The following CRACD variants were observed in gnomAD, a reference collection of about 807,000 sequenced individuals.
The protein encoded by CRACD is capping protein-inhibiting regulator of actin dynamics.
In CRACD, 56 loss-of-function variants were observed where a neutral mutation model predicts 106.8. The observed-to-expected ratio is 0.52, with a 90% CI of 0.42 to 0.66. The LOEUF (loss-of-function observed/expected upper bound fraction) is 0.66. Among genes scored for constraint, CRACD ranks in the 30% least tolerant of loss-of-function variants. The pLI is 0.00. For missense variants in CRACD, 1,730 were observed against 1,623.2 expected (o/e 1.07, Z -1.13); for synonymous variants, 754 against 670.8 (o/e 1.12, Z -1.92).
At chr4:56,179,069 A>G (rs1269208030) in intron 1 of CRACD, among the ~76,000 whole-genome samples, 4 of 152,210 alleles carry the variant, frequency 2.6e-5, no homozygotes, top group Non-Finnish European at 4.4e-5. Flanking sequence ...AAAAGGGGGA[A>G]AGTTAATAAT....
intron 1 of CRACD, among the ~76,000 whole-genome samples, chr4:56,154,775 C>T (rs750019190): frequency 1.3e-5 from 2 of 152,006 alleles, no homozygotes; most frequent in Non-Finnish European, 2.9e-5. Context: ...CAGAGATGCT[C>T]ATCATTGTCT....
chr4:56,286,265 C>T lies in CRACD; in HGVS notation c.-16-11949C>T, dbSNP rs187849235. Among the ~76,000 whole-genome samples the T allele has an allele frequency of 1.4e-4, 21 of 151,794 alleles. No individual in the cohort carries two copies. In the East Asian group the frequency reaches 1.9e-3, roughly 14 times the overall value. ...AAAATTAGACGAGTGTGGTGGCACG[C>T]GCCTGTAATCCCAGCTGCTTGGGAG... On this transcript the variant is annotated intron_variant, in intron 3 of 10. Transcript: ENST00000682029.
At chr4:56,053,278 A>C (rs1685797089) in intron 1 of CRACD, among the ~76,000 whole-genome samples, 1 of 152,230 alleles carries the variant, frequency 6.6e-6, no homozygotes, top group South Asian at 2.1e-4. Flanking sequence ...AAAGTACTTT[A>C]AGAAACCACC....
chr4:56,152,012 T>C (rs1275018044), intron 1 of CRACD, among the ~76,000 whole-genome samples: 1 of 121,078 alleles, frequency 8.3e-6, no homozygotes, highest in Non-Finnish European at 1.8e-5. Flanking sequence ...AATAGTTTTT[T>C]CTTTTTTTTT....
chr4:56,109,906 A>G (rs1236160318), intron 1 of CRACD, among the ~76,000 whole-genome samples: 1 of 152,084 alleles, frequency 6.6e-6, no homozygotes, highest in Non-Finnish European at 1.5e-5. Context: ...GACAAATGGG[A>G]GAGAGTAAGT....
chr4:56,123,391 C>T (rs1734553387), intron 1 of CRACD, among the ~76,000 whole-genome samples: 1 of 152,240 alleles, frequency 6.6e-6, no homozygotes, highest in African/African-American at 2.4e-5. Context: ...AGGCTGCCTT[C>T]TCTCTGTATC....
At chr4:56,298,514 C>A (rs893928962) in intron 4 of CRACD, among the ~76,000 whole-genome samples, 165 bp downstream of exon 4, 1 of 152,208 alleles carries the variant, frequency 6.6e-6, no homozygotes, top group African/African-American at 2.4e-5. Context: ...CTCTGGAAAC[C>A]TCCTGCCTAC....
intron 4 of CRACD, among the ~76,000 whole-genome samples, chr4:56,299,682 A>AC (rs1744254740): frequency 6.6e-6 from 1 of 151,764 alleles, no homozygotes; most frequent in African/African-American, 2.4e-5. Flanking sequence ...AAAAAAAAAA[A>AC]AATTCGCTTA....
chr4:56,318,259 T>C lies in CRACD; in HGVS notation c.3187+1570T>C, dbSNP rs934862003. Among the ~76,000 whole-genome samples, 14 of 152,276 alleles carry C rather than the reference T, an allele frequency of 9.2e-5. 1 individual carries two copies. The highest frequency in any genetic ancestry group is 8.5e-4 in the Admixed American group (13 of 15,288). On this transcript the variant is annotated intron_variant, in intron 8 of 10. Transcript: ENST00000682029. The stretch of plus-strand genomic sequence containing the variant: ...CATCCCTCCTGCCTAAGCCTCCTCG[T>C]AGGTGGGACTACAGGTGTGAGCCAC...
At chr4:56,237,576 A>G (rs1472795329) in intron 2 of CRACD, among the ~76,000 whole-genome samples, 2 of 152,100 alleles carry the variant, frequency 1.3e-5, no homozygotes, top group Non-Finnish European at 2.9e-5. Context: ...ATATTTAATC[A>G]TTTGCCTGTT....
intron 1 of CRACD, among the ~76,000 whole-genome samples, chr4:56,105,414 G>A (rs769244233): frequency 2.0e-5 from 3 of 152,112 alleles, no homozygotes; most frequent in South Asian, 2.1e-4. Flanking sequence ...TGGAAGGATC[G>A]CTTGAGGCCA....
chr4:56,151,347 C>T (rs1735573001), intron 1 of CRACD, among the ~76,000 whole-genome samples: 2 of 152,024 alleles, frequency 1.3e-5, no homozygotes, highest in Admixed American at 1.3e-4. Flanking sequence ...TTGGTCAGAC[C>T]TCTAATGTTT....
intron 3 of CRACD, among the ~76,000 whole-genome samples, chr4:56,291,913 A>G (rs1221331959): frequency 6.6e-6 from 1 of 152,244 alleles, no homozygotes; most frequent in African/African-American, 2.4e-5. Flanking sequence ...GATACCTGAA[A>G]ATGTCAAAGC....
At chr4:56,130,897 T>C (rs1052110989) in intron 1 of CRACD, among the ~76,000 whole-genome samples, 2 of 152,166 alleles carry the variant, frequency 1.3e-5, no homozygotes, top group African/African-American at 4.8e-5. Context: ...CTCTCCTTTT[T>C]CCTCTGCTTT....
At chr4:56,128,770 C>G (rs75399603) in intron 1 of CRACD, among the ~76,000 whole-genome samples, 5,202 of 152,118 alleles carry the variant, frequency 0.034, 142 homozygotes, top group South Asian at 0.067. Flanking sequence ...CTGAACCTCC[C>G]GCATAAAATG....
intron 4 of CRACD, among the ~76,000 whole-genome samples, chr4:56,305,393 C>T (rs1485214589): frequency 1.3e-5 from 2 of 152,124 alleles, no homozygotes; most frequent in Non-Finnish European, 2.9e-5. Context: ...ACACAGGAAC[C>T]ATTCTTCTGC....
intron 2 of CRACD, among the ~76,000 whole-genome samples, chr4:56,253,828 C>T (rs1741186883): frequency 6.6e-6 from 1 of 152,180 alleles, no homozygotes; most frequent in Admixed American, 6.5e-5. Context: ...TTCTAAGTCA[C>T]CTGTCACCAT....
At chr4:56,273,554 G>C (rs1742496046) in intron 3 of CRACD, among the ~76,000 whole-genome samples, 2 of 152,110 alleles carry the variant, frequency 1.3e-5, no homozygotes, top group Admixed American at 1.3e-4. Context: ...ATTGAAGTCA[G>C]TATCAGAGCT....
intron 1 of CRACD, among the ~76,000 whole-genome samples, chr4:56,083,918 G>A (rs760342200): frequency 2.0e-5 from 3 of 152,098 alleles, no homozygotes; most frequent in Non-Finnish European, 2.9e-5. Context: ...TCTAGGCTGC[G>A]GTGAGCTGTG....
Sources: gnomAD v4.1 joint callset for allele counts (sites outside exome capture counted in the v4.1 genomes callset) on GRCh38, gnomAD v4.1.1 for gene constraint, MANE v1.5 for transcripts, NCBI Gene and HGNC (gene_info 2026-07-23, HGNC 2026-07-21) for gene names.